TRAPPC8: variants seen among roughly 807,000 people sequenced by gnomAD.
TRAPPC8 encodes general sporulation gene 1 homolog.
In TRAPPC8, 54 loss-of-function variants were observed where a neutral mutation model predicts 174.3. That is an observed-to-expected ratio of 0.31 (90% CI 0.25 to 0.39). The LOEUF (loss-of-function observed/expected upper bound fraction) is 0.39, where lower values mean the gene tolerates loss of function less well. Ranked by LOEUF, TRAPPC8 falls within the 10% of genes least tolerant of loss-of-function variation. The probability of loss-of-function intolerance (pLI) is 1.00; values close to 1 mark genes in which losing one functional copy is unlikely to be tolerated. For synonymous variants in TRAPPC8, 630 were observed against 579.9 expected (o/e 1.09, Z -1.24); for missense variants, 1,531 against 1,699.1 (o/e 0.90, Z 1.74).
chr18:31,890,088 T>C (rs182503229), intron 12 of TRAPPC8, among the ~76,000 whole-genome samples: 3 of 152,324 alleles, frequency 2.0e-5, no homozygotes, highest in Admixed American at 6.5e-5. Context: ...GCTCCTAGTA[T>C]ACTCTCTGAA....
chr18:31,929,233 C>G (rs925429297), intron 2 of TRAPPC8, among the ~76,000 whole-genome samples: 2 of 150,150 alleles, frequency 1.3e-5, no homozygotes, highest in Non-Finnish European at 3.0e-5. Context: ...CTCCTGTTTT[C>G]AGAGGTGGAA....
intron 26 of TRAPPC8, among the ~76,000 whole-genome samples, chr18:31,842,610 C>A (rs1427153926): frequency 6.6e-6 from 1 of 152,198 alleles, no homozygotes; most frequent in African/African-American, 2.4e-5. Flanking sequence ...ACTGACTCCC[C>A]TACTGATGGA....
chr18:31,882,107 T>C (rs2035484145), intron 12 of TRAPPC8, among the ~76,000 whole-genome samples: 1 of 152,172 alleles, frequency 6.6e-6, no homozygotes, highest in African/African-American at 2.4e-5. Context: ...ACTAGGTATG[T>C]ACCCAAAGAA....
At chr18:31,899,366 T>C (rs935114183) in intron 10 of TRAPPC8, among the ~76,000 whole-genome samples, 2 of 152,332 alleles carry the variant, frequency 1.3e-5, no homozygotes, top group South Asian at 4.1e-4. Flanking sequence ...TTCTTCTGCA[T>C]GGTGGCGAAT....
intron 6 of TRAPPC8, among the ~76,000 whole-genome samples, chr18:31,909,280 A>G (rs2036805917): frequency 6.6e-6 from 1 of 152,176 alleles, no homozygotes; most frequent in African/African-American, 2.4e-5. Context: ...AAATAATATA[A>G]AGAATGACTT....
chr18:31,880,624 T>C (rs1285487752), intron 12 of TRAPPC8, among the ~76,000 whole-genome samples: 1 of 152,060 alleles, frequency 6.6e-6, no homozygotes, highest in African/African-American at 2.4e-5. Context: ...ACACCACTTC[T>C]ATTCAACATA....
chr18:31,911,756 C>CA (rs71177805), intron 5 of TRAPPC8, among the ~76,000 whole-genome samples: 4,930 of 62,880 alleles, frequency 0.078, 628 homozygotes, highest in East Asian at 0.23. Flanking sequence ...GACTCCGTCT[C>CA]AAAAAAAAAA....
chr18:31,942,820 C>A lies in TRAPPC8; in HGVS notation c.-56G>T. 7.8e-7 allele frequency: 1 copy of A among 1,286,582 alleles called. No individual in the cohort carries two copies. The highest frequency in any genetic ancestry group is 9.9e-7 in the Non-Finnish European group (1 of 1,012,774). 79.7% of individuals were successfully genotyped at this position (1,286,582 alleles called of 1,614,324 possible). ...CCTCCGGCCCACCCTGCGAGGTTAT[C>A]CTGCGGCTGCAGCAGCTACCGCCGC... is the stretch of plus-strand genomic sequence containing the variant. On this transcript the variant is annotated 5_prime_UTR_variant, in exon 1 of 29. Transcript: ENST00000283351.
At chr18:31,942,185 A>G (rs2038373583) in intron 1 of TRAPPC8, among the ~76,000 whole-genome samples, 1 of 152,238 alleles carries the variant, frequency 6.6e-6, no homozygotes, top group Middle Eastern at 3.2e-3. Context: ...TTCAAAGTCC[A>G]GTTTAACATC....
chr18:31,916,199 G>A (rs1031446767), intron 4 of TRAPPC8, 73 bp downstream of exon 4: 14 of 1,123,952 alleles, frequency 1.2e-5, no homozygotes, highest in Non-Finnish European at 1.6e-5. Flanking sequence ...AATCCAAAAC[G>A]TAAACAAGCT....
At chr18:31,927,270 A>G (rs1026885916) in intron 2 of TRAPPC8, among the ~76,000 whole-genome samples, 14 of 151,176 alleles carry the variant, frequency 9.3e-5, no homozygotes, top group African/African-American at 3.4e-4. Flanking sequence ...ACCACACCCA[A>G]CTAATTTTTT....
rs764691455 is a variant in TRAPPC8, at chr18:31,853,921, G to T, written c.3361C>A (p.His1121Asn). The T allele has an allele frequency of 5.0e-6, 8 of 1,610,418 alleles. No homozygotes were observed. The highest frequency in any genetic ancestry group is 6.8e-6 in the Non-Finnish European group (8 of 1,179,240). ...NTSEAGVKEF[H>N]IVQVSSSSKH... is the part of the protein sequence containing the mutation. ...CTACTACTTGATACTTGCACTATGT[G>T]GAATTCCTTAACGCCTGCTTCACTC... The change falls in exon 22 of 29, where the codon CAC (histidine) becomes AAC (asparagine). Residue 1121 changes from histidine to asparagine, a missense_variant. His to Asn is a moderately conservative substitution (Grantham distance 68, BLOSUM62 1). Transcript: ENST00000283351.
intron 27 of TRAPPC8, among the ~76,000 whole-genome samples, chr18:31,836,920 C>G (rs899212056): frequency 1.3e-5 from 2 of 152,008 alleles, no homozygotes; most frequent in Admixed American, 1.3e-4. Flanking sequence ...CGCCACCACA[C>G]CCGGCTAATT....
chr18:31,846,513 C>T (rs2033412514), intron 26 of TRAPPC8, among the ~76,000 whole-genome samples: 1 of 152,014 alleles, frequency 6.6e-6, no homozygotes, highest in Non-Finnish European at 1.5e-5. Flanking sequence ...GAGGTCAAGG[C>T]TGCAGTGAGC....
chr18:31,844,510 A>G (rs1424960974), intron 26 of TRAPPC8: 1 of 152,138 alleles, frequency 6.6e-6, no homozygotes, highest in Admixed American at 6.6e-5. Context: ...AAAAAGTTCA[A>G]AAATGTATTA....
In TRAPPC8 at chr18:31,917,739, T is replaced by A. The variant is rs182851682; in HGVS notation, c.353-72A>T. The A allele has an allele frequency of 5.8e-4, 797 of 1,379,334 alleles. 7 individuals are homozygous for A. The African/African-American group carries it at 0.011, about 19-fold the overall frequency. 85.4% of individuals were successfully genotyped at this position (1,379,334 alleles called of 1,614,324 possible). A position where few individuals can be genotyped will look rare whatever the true frequency, so the allele number is the denominator to read the frequency against. Reference sequence around the variant, plus strand: ...AGTTTACAACAGACAAAATTTCAAGTCCATATTCCTAAAAGGTATAAAAAA... The same window carrying A: ...AGTTTACAACAGACAAAATTTCAAGACCATATTCCTAAAAGGTATAAAAAA... On this transcript the variant is annotated intron_variant, in intron 2 of 28. Transcript: ENST00000283351.
intron 20 of TRAPPC8, among the ~76,000 whole-genome samples, chr18:31,856,943 T>C (rs2034052701): frequency 6.6e-6 from 1 of 151,692 alleles, no homozygotes; most frequent in East Asian, 1.9e-4. Flanking sequence ...TCCCAAGTTA[T>C]TCCTAGTTAA....
intron 19 of TRAPPC8, among the ~76,000 whole-genome samples, chr18:31,858,490 C>T (rs1365099181): frequency 1.3e-5 from 2 of 152,176 alleles, no homozygotes; most frequent in East Asian, 3.8e-4. Context: ...ACTCCAACCT[C>T]AGGCTTTTAG....
chr18:31,916,518 A>G (rs1241707437), intron 3 of TRAPPC8, 72 bp from the exon 4 acceptor site: 1 of 1,405,476 alleles, frequency 7.1e-7, no homozygotes, highest in East Asian at 2.7e-5. Flanking sequence ...TGAGATAAAC[A>G]GGAGGTTTTT....
Sources: allele counts gnomAD v4.1 joint callset (sites outside exome capture counted in the v4.1 genomes callset), GRCh38; gene constraint gnomAD v4.1.1; transcripts MANE v1.5; gene names NCBI Gene and HGNC (gene_info 2026-07-23, HGNC 2026-07-21).